Variants in TRIOBP observed in about 807,000 individuals in gnomAD.
The protein encoded by TRIOBP is TRIO and F-actin binding protein, also known as TRIO and F-actin-binding protein.
A neutral mutation model predicts 238.8 loss-of-function variants in TRIOBP; 169 were observed. That is an observed-to-expected ratio of 0.71 (90% CI 0.62 to 0.80). The LOEUF (loss-of-function observed/expected upper bound fraction) is 0.80, where lower values mean the gene tolerates loss of function less well. Among genes scored for constraint, TRIOBP ranks in the 30% least tolerant of loss-of-function variants. TRIOBP has a pLI of 0.00. For synonymous variants in TRIOBP, 1,150 were observed against 1,274.4 expected (o/e 0.90, Z 2.08); for missense variants, 2,838 against 3,122.6 (o/e 0.91, Z 2.17).
intron 6 of TRIOBP, among the ~76,000 whole-genome samples, chr22:37,721,627 A>G (rs1923835663): frequency 6.6e-6 from 1 of 152,088 alleles, no homozygotes; most frequent in African/African-American, 2.4e-5. Context: ...ACAGGCACGT[A>G]CCACCAGGCC....
At chr22:37,765,290 A>G (rs1926426757) in intron 17 of TRIOBP, among the ~76,000 whole-genome samples, 1 of 152,110 alleles carries the variant, frequency 6.6e-6, no homozygotes, top group South Asian at 2.1e-4. Flanking sequence ...AAAAACAAAA[A>G]CAAAAACAAA....
chr22:37,730,292 A>T (rs961225082), intron 7 of TRIOBP, among the ~76,000 whole-genome samples: 5 of 152,206 alleles, frequency 3.3e-5, no homozygotes, highest in Admixed American at 6.5e-5. Flanking sequence ...TTGCTTCAGC[A>T]TCGGACAAGC....
intron 12 of TRIOBP, among the ~76,000 whole-genome samples, chr22:37,754,016 G>A (rs1925771409): frequency 6.6e-6 from 1 of 152,142 alleles, no homozygotes; most frequent in South Asian, 2.1e-4. Flanking sequence ...CTGGAGCAGA[G>A]ACAGGCACTG....
In TRIOBP at chr22:37,747,662, A is replaced by G. The variant is rs550435165; in HGVS notation, c.5323-4110A>G. Among the ~76,000 whole-genome samples, 7 of 152,244 alleles carry G rather than the reference A, an allele frequency of 4.6e-5. No homozygotes were observed. In the South Asian group the frequency reaches 1.5e-3, roughly 32 times the overall value. On this transcript the variant is annotated intron_variant, in intron 11 of 23. Coordinates refer to ENST00000644935, the MANE Select transcript of TRIOBP (RefSeq NM_001039141.3). ...GCTGAGTCAGTGTCCTGGGGCCAGG[A>G]GGAGAGAAGTTGCCTTGCCCACCGG...
At chr22:37,762,888 T>G (rs1424876905) in intron 17 of TRIOBP, among the ~76,000 whole-genome samples, 1 of 152,100 alleles carries the variant, frequency 6.6e-6, no homozygotes, top group Non-Finnish European at 1.5e-5. Flanking sequence ...TCGGGTGGTC[T>G]GGGGCTTCAC....
Position 37,734,674 on chromosome 22 carries a change from C to T in TRIOBP, c.4338C>T (p.Ser1446=). ...SQGPHRHLER[S]WSSQEGGLGP... is the part of the protein sequence containing the mutation. Reference sequence around the variant, plus strand: ...GCCCTCATAGACACCTAGAAAGGAGCTGGAGCAGCCAGGAGGGAGGCCTGG... The same window carrying T: ...GCCCTCATAGACACCTAGAAAGGAGTTGGAGCAGCCAGGAGGGAGGCCTGG... The change falls in exon 9 of 24, where the codon AGC becomes AGT. Residue 1446 remains serine, a synonymous_variant. Transcript: ENST00000644935. 1 of 1,601,756 alleles carries T rather than the reference C, an allele frequency of 6.2e-7. No homozygotes were observed. The highest frequency in any genetic ancestry group is 8.5e-7 in the Non-Finnish European group (1 of 1,174,736).
At chr22:37,740,747 C>T (rs115580328) in intron 10 of TRIOBP, 148 bp from the exon 11 acceptor site, 89 of 1,189,946 alleles carry the variant, frequency 7.5e-5, no homozygotes, top group South Asian at 3.3e-4. Flanking sequence ...TTAACCAGCT[C>T]GTCTCGGCAG....
rs1220804100 is a variant in TRIOBP, at chr22:37,755,184, G to A, written c.5571G>A (p.Gln1857=). ...CGGTGCAGCGCAACTATGGCTTCCA[G>A]ATCCACGTGAGGCTGTGTGCAGCTT... ...EYAVQRNYGF[Q]IHTKDAVYTL... is the part of the protein sequence containing the mutation. Residue 1857 remains glutamine, a synonymous_variant, in exon 14 of 24, where the codon CAG becomes CAA. Transcript: ENST00000644935. 3 of 1,611,656 alleles carry A rather than the reference G, an allele frequency of 1.9e-6. No individual in the cohort carries two copies. Among genetic ancestry groups the A allele is most frequent in the East Asian group, 4.5e-5 (2 of 44,650 alleles).
At chr22:37,733,597 AC>A (rs1924526953) in intron 8 of TRIOBP, among the ~76,000 whole-genome samples, 185 bp downstream of exon 8, 1 of 148,788 alleles carries the variant, frequency 6.7e-6, no homozygotes, top group African/African-American at 2.5e-5. Context: ...AATGCACAAG[AC>A]CCCACATTAA....
intron 5 of TRIOBP, among the ~76,000 whole-genome samples, chr22:37,713,950 A>AC (rs926974136): frequency 5.3e-5 from 8 of 152,054 alleles, no homozygotes; most frequent in African/African-American, 1.7e-4. Context: ...GTCCCAGGAG[A>AC]CCCCCCAAAA....
intron 3 of TRIOBP, among the ~76,000 whole-genome samples, chr22:37,702,279 A>C (rs1922691519): frequency 6.6e-6 from 1 of 151,940 alleles, no homozygotes. Context: ...ATCTCAGCTC[A>C]CTGCAATCTC....
chr22:37,731,624 G>A (rs1924425331), intron 7 of TRIOBP, among the ~76,000 whole-genome samples: 1 of 151,716 alleles, frequency 6.6e-6, no homozygotes, highest in Non-Finnish European at 1.5e-5. Flanking sequence ...GCCTGGCTAA[G>A]TTTTGTATTT....
At position 37,725,613 on chromosome 22, in the gene TRIOBP, G is replaced by A. The variant is rs749971314; in HGVS notation, c.3057G>A (p.Gly1019=). Residue 1019 remains glycine (G), a synonymous_variant, in exon 7 of 24, where the codon GGG becomes GGA. Transcript: ENST00000644935. ...AGCCTCCATGTGCTGTGTGCATTGG[G>A]CACCGGGATGCCCCTCGAGCCTCTT... ...PSQPPCAVCI[G]HRDAPRASSP... 17 of 1,613,534 alleles carry A rather than the reference G, an allele frequency of 1.1e-5. No individual in the cohort carries two copies. In the Middle Eastern group the frequency reaches 4.9e-4, roughly 47 times the overall value.
chr22:37,735,255 AT>A lies in TRIOBP; in HGVS notation c.4920del (p.Asn1640LysfsTer30). The A allele has an allele frequency of 1.9e-6, 3 of 1,604,158 alleles. No individual in the cohort carries two copies. The South Asian group carries it at 3.3e-5, about 18-fold the overall frequency. ...PEGWAEATPV[N>X]GHSPALQSQS... is the part of the protein sequence containing the mutation. ...GGCTGGGCCGAGGCCACCCCAGTCA[AT>A]GGACACAGCCCCGCACTGCAGTCCC... On this transcript the variant is annotated frameshift_variant, in exon 9 of 24. Coordinates refer to ENST00000644935, the MANE Select transcript of TRIOBP (RefSeq NM_001039141.3). LOFTEE classifies it high-confidence loss of function.
chr22:37,768,006 G>C lies in TRIOBP; in HGVS notation c.6473-68G>C. ...CTCCACCAGTACATGTGGCGTCTCA[G>C]AGCTGGTGGCACTTGGTGCTGCTGA... On this transcript the variant is annotated intron_variant, in intron 18 of 23. Transcript: ENST00000644935. 3.2e-6 allele frequency: 4 copies of C among 1,263,444 alleles called. No individual in the cohort carries two copies. The Admixed American group carries it at 7.7e-5, about 24-fold the overall frequency. The allele number at this position is 1,263,444 out of a possible 1,614,324, so 78.3% of individuals were successfully genotyped here.
chr22:37,767,554 A>G (rs1041900644), intron 18 of TRIOBP, among the ~76,000 whole-genome samples: 2 of 152,222 alleles, frequency 1.3e-5, no homozygotes, highest in African/African-American at 4.8e-5. Context: ...TACTGTTGTT[A>G]TCGATCCCTG....
In TRIOBP at chr22:37,756,714, A is replaced by G. The variant is rs146159933; in HGVS notation, c.5688-899A>G. On this transcript the variant is annotated intron_variant, in intron 15 of 23. Transcript: ENST00000644935. ...ACCTGCCACACCCACTCGGCAGCCT[A>G]TAGTCACATGGCTACAAGTAGCTGT... is the stretch of plus-strand genomic sequence containing the variant. Among the ~76,000 whole-genome samples, 10 of 152,332 alleles carry G rather than the reference A, an allele frequency of 6.6e-5. No homozygotes were observed. The East Asian group carries it at 7.7e-4, about 12-fold the overall frequency.
rs758985071 is a variant in TRIOBP, at chr22:37,713,376, G to A, written c.421G>A (p.Ala141Thr). 14 of 1,613,600 alleles carry A rather than the reference G, an allele frequency of 8.7e-6. No homozygotes were observed. The highest frequency in any genetic ancestry group is 2.2e-5 in the South Asian group (2 of 91,088). Residue 141 changes from alanine to threonine, a missense_variant, in exon 5 of 24, where the codon GCC (alanine) becomes ACC (threonine). Physicochemically the swap from Ala to Thr is moderately conservative, Grantham distance 58 (BLOSUM62 0). This residue lies in a region of TRIOBP where 535 missense variants were observed against 537.3 expected (regional missense o/e 1.00). Transcript: ENST00000644935. ...GSDPTSSPDS[A>T]TPDDTSNSSS... ...TGACCCCACCTCCAGCCCTGACTCC[G>A]CCACCCCTGATGATACCAGCAACTC...
Position 37,724,753 on chromosome 22 carries a change from T to G in TRIOBP, c.2197T>G (p.Ser733Ala). The change falls in exon 7 of 24, where the codon TCC becomes GCC. Residue 733 changes from serine (S) to alanine (A), a missense_variant. This residue lies in a region of TRIOBP where 167 missense variants were observed against 200.2 expected (regional missense o/e 0.83). Transcript: ENST00000644935. The stretch of plus-strand genomic sequence containing the variant: ...TGCCCGACGGGACAATCCCAGAGCC[T>G]CCTCTCGCAACAGAACCATCCAGCG... ...SCARRDNPRA[S>A]SRNRTIQRDN... 1 of 1,608,660 alleles carries G rather than the reference T, an allele frequency of 6.2e-7. No individual in the cohort carries two copies. The highest frequency in any genetic ancestry group is 1.1e-5 in the South Asian group (1 of 90,868).
Sources: allele counts gnomAD v4.1 joint callset (sites outside exome capture counted in the v4.1 genomes callset), GRCh38; gene constraint gnomAD v4.1.1; regional missense constraint gnomAD v4.1.1; transcripts MANE v1.5; gene names NCBI Gene and HGNC (gene_info 2026-07-23, HGNC 2026-07-21).